PRKG1: variants seen among roughly 807,000 people sequenced by gnomAD.
PRKG1 encodes protein kinase cGMP-dependent 1.
Under a neutral mutation model 88.1 loss-of-function variants are expected in PRKG1, and 35 were observed. That is an observed-to-expected ratio of 0.40 (90% confidence interval 0.30 to 0.53). PRKG1 has a LOEUF of 0.53. PRKG1 is among the 20% of genes least tolerant of loss of function. The probability of loss-of-function intolerance (pLI) is 0.59; values close to 1 mark genes in which losing one functional copy is unlikely to be tolerated. For synonymous variants in PRKG1, 303 were observed against 292.5 expected, an observed-to-expected ratio of 1.04 and a Z score of -0.37; for missense variants, 540 against 839.8, an observed-to-expected ratio of 0.64 and a Z score of 4.41.
intron 12 of PRKG1, among the ~76,000 whole-genome samples, chr10:52,278,670 G>C (rs1841929494): frequency 6.6e-6 from 1 of 152,108 alleles, no homozygotes; most frequent in Non-Finnish European, 1.5e-5. Context: ...GCTCACGCCT[G>C]TAATCCTAGC....
chr10:51,795,182 T>C (rs1429560076), intron 3 of PRKG1, among the ~76,000 whole-genome samples: 1 of 152,116 alleles, frequency 6.6e-6, no homozygotes, highest in Non-Finnish European at 1.5e-5. Flanking sequence ...CAGGTTACTT[T>C]CTACAAGGTA....
At chr10:51,815,339 T>C (rs912205244) in intron 4 of PRKG1, among the ~76,000 whole-genome samples, 5 of 152,202 alleles carry the variant, frequency 3.3e-5, no homozygotes, top group Admixed American at 1.3e-4. Context: ...GGGAGTGAGT[T>C]CTTTTCCATA....
At chr10:52,136,787 C>T (rs76774598) in intron 8 of PRKG1, among the ~76,000 whole-genome samples, 1,746 of 152,100 alleles carry the variant, frequency 0.011, 29 homozygotes, top group African/African-American at 0.04. Flanking sequence ...ATAGGATTCC[C>T]TTGGATTTAG....
intron 14 of PRKG1, among the ~76,000 whole-genome samples, chr10:52,283,341 T>C (rs1192327957): frequency 6.6e-6 from 1 of 152,004 alleles, no homozygotes; most frequent in Non-Finnish European, 1.5e-5. Flanking sequence ...TGAGGCAGGA[T>C]GTGAAGAATT....
chr10:52,057,600 T>C (rs1846140296), intron 6 of PRKG1, among the ~76,000 whole-genome samples: 1 of 152,174 alleles, frequency 6.6e-6, no homozygotes, highest in African/African-American at 2.4e-5. Context: ...AGAGTTCTAA[T>C]AGTAGCTCAA....
intron 2 of PRKG1, among the ~76,000 whole-genome samples, chr10:51,368,093 C>T (rs1842626252): frequency 6.6e-6 from 1 of 152,016 alleles, no homozygotes; most frequent in South Asian, 2.1e-4. Context: ...CTAAGAACAT[C>T]ATAGAGCCAG....
chr10:52,171,991 G>A (rs113075659), intron 9 of PRKG1, among the ~76,000 whole-genome samples: 14,648 of 149,022 alleles, frequency 0.098, 2,430 homozygotes, highest in African/African-American at 0.35. Context: ...TTTAGTAGAG[G>A]CGGGGTTTCA....
chr10:51,642,068 T>C (rs2132299186), intron 3 of PRKG1, among the ~76,000 whole-genome samples: 1 of 152,314 alleles, frequency 6.6e-6, no homozygotes, highest in East Asian at 1.9e-4. Context: ...CTACATTTCA[T>C]AGAACTTAAA....
chr10:51,752,624 C>A (rs903077709), intron 3 of PRKG1, among the ~76,000 whole-genome samples: 18 of 152,234 alleles, frequency 1.2e-4, no homozygotes, highest in African/African-American at 4.3e-4. Flanking sequence ...TAAATAGATG[C>A]AGATGAACAT....
intron 2 of PRKG1, among the ~76,000 whole-genome samples, chr10:51,306,198 A>G (rs1209692472): frequency 2.6e-5 from 4 of 152,302 alleles, no homozygotes; most frequent in South Asian, 4.1e-4. Flanking sequence ...ATTCCATTAC[A>G]CTGGATAGGC....
chr10:51,637,964 C>T (rs1448233573), intron 3 of PRKG1, among the ~76,000 whole-genome samples: 1 of 151,912 alleles, frequency 6.6e-6, no homozygotes, highest in Non-Finnish European at 1.5e-5. Context: ...CAGCCTGGGC[C>T]CTTGGAAATA....
chr10:51,256,382 T>C (rs752466766), intron 2 of PRKG1, among the ~76,000 whole-genome samples: 3 of 152,156 alleles, frequency 2.0e-5, no homozygotes, highest in African/African-American at 7.2e-5. Flanking sequence ...TTAAGCATTG[T>C]CGTGTGTTCC....
intron 1 of PRKG1, among the ~76,000 whole-genome samples, chr10:51,037,233 A>G (rs1237236628): frequency 6.6e-6 from 1 of 152,076 alleles, no homozygotes; most frequent in Non-Finnish European, 1.5e-5. Context: ...GGATTGTTTG[A>G]GTCCAGGAGT....
intron 5 of PRKG1, among the ~76,000 whole-genome samples, chr10:51,952,613 TG>T (rs1843211576): frequency 6.6e-6 from 1 of 152,172 alleles, no homozygotes; most frequent in Non-Finnish European, 1.5e-5. Flanking sequence ...TAAGTGTCAT[TG>T]TTCTTAGTGT....
At chr10:51,692,827 T>C (rs1174118303) in intron 3 of PRKG1, among the ~76,000 whole-genome samples, 1 of 152,200 alleles carries the variant, frequency 6.6e-6, no homozygotes, top group Non-Finnish European at 1.5e-5. Flanking sequence ...ATTTCAAATG[T>C]CTGCAGATAT....
At chr10:51,393,081 AGGGGCTCCTCACTTCTCAGACGGGGCG>A (rs1837474407) in intron 2 of PRKG1, among the ~76,000 whole-genome samples, 1 of 58,798 alleles carries the variant, frequency 1.7e-5, no homozygotes, top group Non-Finnish European at 3.6e-5. Context: ...TGCCGGGCGG[AGGGGCTCCTCACTTCTCAGACGGGGCG>A]GTTGCCGGGC....
In PRKG1 at chr10:52,062,577, T is replaced by C; in HGVS notation, c.881T>C (p.Val294Ala). The part of the protein sequence containing the change: ...TREDSPSEDP[V>A]FLRTLGKGDW... ...GAAGACTCACCGAGTGAAGACCCAGTCTTTCTTAGAACTTTAGGAAAAGGA... is the reference window on the plus strand; with the variant it reads ...GAAGACTCACCGAGTGAAGACCCAGCCTTTCTTAGAACTTTAGGAAAAGGA... The change falls in exon 7 of 18, where the codon GTC becomes GCC. Residue 294 changes from valine (V) to alanine (A), a missense_variant. Physicochemically the swap from Val to Ala is moderately conservative, Grantham distance 64. This residue lies in a region of PRKG1 where 400 missense variants were observed against 562.7 expected (regional missense o/e 0.71). Coordinates refer to ENST00000373980, the MANE Select transcript of PRKG1 (RefSeq NM_006258.4). The C allele has an allele frequency of 6.2e-7, 1 of 1,607,532 alleles. No homozygotes were observed. Among genetic ancestry groups the C allele is most frequent in the Non-Finnish European group, 8.5e-7 (1 of 1,177,920 alleles).
At chr10:52,097,855 T>G (rs1242074712) in intron 7 of PRKG1, among the ~76,000 whole-genome samples, 2 of 151,958 alleles carry the variant, frequency 1.3e-5, no homozygotes, top group Non-Finnish European at 2.9e-5. Context: ...TACCATTAAT[T>G]TCTGAGGTAC....
rs145387354 is a variant in PRKG1, at chr10:51,968,402, G to A, written c.762+60832G>A. On this transcript the variant is annotated intron_variant, in intron 5 of 17. Transcript: ENST00000373980. The stretch of plus-strand genomic sequence containing the variant: ...GGGGATGCCATGCATGGGAGGAATG[G>A]GGGAGAAGAAGAGGCATAGACACAA... Among the ~76,000 whole-genome samples, 15 of 152,154 alleles carry A rather than the reference G, an allele frequency of 9.9e-5. No individual in the cohort carries two copies. In the East Asian group the frequency reaches 2.9e-3, roughly 29 times the overall value.
Sources: allele counts gnomAD v4.1 joint callset (sites outside exome capture counted in the v4.1 genomes callset), GRCh38; gene constraint gnomAD v4.1.1; regional missense constraint gnomAD v4.1.1; transcripts MANE v1.5; gene names NCBI Gene and HGNC (gene_info 2026-07-23, HGNC 2026-07-21).